Variants in DEPTOR observed in about 807,000 individuals in gnomAD.
The protein encoded by DEPTOR is DEP domain containing MTOR interacting protein.
In DEPTOR, 41 loss-of-function variants were observed where a neutral mutation model predicts 41.6. That is an observed-to-expected ratio of 0.98 (90% confidence interval 0.77 to 1.28). The LOEUF (loss-of-function observed/expected upper bound fraction) is 1.28. Ranked by LOEUF, DEPTOR falls within the 50% of genes most tolerant of loss-of-function variation. The probability of loss-of-function intolerance (pLI) is 0.00; values close to 1 mark genes in which losing one functional copy is unlikely to be tolerated. For synonymous variants in DEPTOR, 195 were observed against 192.3 expected (o/e 1.01, Z -0.12); for missense variants, 514 against 527.9 (o/e 0.97, Z 0.26).
intron 1 of DEPTOR, chr8:119,874,170 G>T: frequency 1.3e-6 from 1 of 798,236 alleles, no homozygotes; most frequent in Non-Finnish European, 1.9e-6. Flanking sequence ...CGCCAAGCGG[G>T]GCTGCCTGGC....
chr8:119,969,247 AT>A (rs1828602357), intron 4 of DEPTOR, among the ~76,000 whole-genome samples: 1 of 152,194 alleles, frequency 6.6e-6, no homozygotes, highest in East Asian at 1.9e-4. Flanking sequence ...ATAAGTAATT[AT>A]GCTTCAATTA....
chr8:119,952,212 T>C (rs1037413831), intron 3 of DEPTOR, among the ~76,000 whole-genome samples: 4 of 152,150 alleles, frequency 2.6e-5, no homozygotes, highest in Admixed American at 6.6e-5. Context: ...GCAAGACCTG[T>C]ATGGATTGCT....
chr8:120,001,693 C>T lies in DEPTOR; in HGVS notation c.773C>T (p.Ser258Phe). Residue 258 changes from serine (S) to phenylalanine (F), a missense_variant, in exon 5 of 9, where the codon TCT becomes TTT. Physicochemically the swap from Ser to Phe is radical, Grantham distance 155. Coordinates refer to ENST00000286234, the MANE Select transcript of DEPTOR (RefSeq NM_022783.4). ...LRKQSHDNRK[S>F]TSFMSVSPSK... ...AAGCAGAGCCATGACAATCGGAAAT[C>T]TACCAGCTTTATGTCAGGTATGCCA... The T allele has an allele frequency of 1.2e-6, 2 of 1,613,004 alleles. No individual in the cohort carries two copies. Among genetic ancestry groups the T allele is most frequent in the Non-Finnish European group, 1.7e-6 (2 of 1,179,484 alleles).
intron 1 of DEPTOR, among the ~76,000 whole-genome samples, chr8:119,878,050 C>T (rs529396674): frequency 3.3e-4 from 50 of 152,244 alleles, no homozygotes; most frequent in African/African-American, 1.2e-3. Context: ...CCTGCCTCAA[C>T]GTCCCAAGTA....
At chr8:120,010,609 C>T (rs1193431716) in intron 8 of DEPTOR, among the ~76,000 whole-genome samples, 3 of 92,392 alleles carry the variant, frequency 3.2e-5, no homozygotes, top group African/African-American at 4.5e-5. Context: ...GAGTGCAAGA[C>T]TCTGTCTCAA....
intron 2 of DEPTOR, among the ~76,000 whole-genome samples, chr8:119,929,604 A>T (rs1011731313): frequency 1.3e-5 from 2 of 152,144 alleles, no homozygotes; most frequent in African/African-American, 4.8e-5. Flanking sequence ...GGTGATGGTG[A>T]TGGTGATAAT....
chr8:119,883,072 A>G (rs1827319266), intron 1 of DEPTOR, among the ~76,000 whole-genome samples: 1 of 152,058 alleles, frequency 6.6e-6, no homozygotes, highest in Admixed American at 6.6e-5. Flanking sequence ...AACTTGAGCT[A>G]TTTTCATCAG....
intron 8 of DEPTOR, among the ~76,000 whole-genome samples, chr8:120,030,641 G>C (rs1230061574): frequency 6.6e-6 from 1 of 150,876 alleles, no homozygotes. Context: ...CCAGTAGCTA[G>C]GATTAGAGGA....
intron 1 of DEPTOR, among the ~76,000 whole-genome samples, chr8:119,886,464 C>CACACACATACACAT (rs1554670620): frequency 6.7e-6 from 1 of 150,122 alleles, no homozygotes; most frequent in African/African-American, 2.5e-5. Flanking sequence ...CAGACACACA[C>CACACACATACACAT]ACACATACAC....
chr8:119,987,785 G>A (rs1257988280), intron 4 of DEPTOR, among the ~76,000 whole-genome samples: 14 of 152,202 alleles, frequency 9.2e-5, no homozygotes, highest in Admixed American at 9.2e-4. Flanking sequence ...GCTCTGCCCA[G>A]TTCAAACTTG....
intron 4 of DEPTOR, among the ~76,000 whole-genome samples, chr8:119,990,638 T>C (rs1461796382): frequency 6.6e-6 from 1 of 152,236 alleles, no homozygotes; most frequent in East Asian, 1.9e-4. Flanking sequence ...TTCTTTTCCA[T>C]CCTCTTGCCT....
chr8:119,939,881 G>GC (rs111537003), intron 3 of DEPTOR, among the ~76,000 whole-genome samples: 2,378 of 152,198 alleles, frequency 0.016, 65 homozygotes, highest in African/African-American at 0.055. Flanking sequence ...AGATGGTGCA[G>GC]CAGTTATGAC....
intron 8 of DEPTOR, among the ~76,000 whole-genome samples, chr8:120,010,264 G>T (rs2130107260): frequency 6.7e-6 from 1 of 148,502 alleles, no homozygotes; most frequent in East Asian, 1.9e-4. Flanking sequence ...ATTCATTAAT[G>T]AATGAATTAT....
chr8:120,001,559 T>C lies in DEPTOR; in HGVS notation c.639T>C (p.Leu213=). ...AGCACCCATTTGTGGACAGCAATCT[T>C]CTCTACCAGTTCAGAATGAACTTCC... ...SNKHPFVDSN[L]LYQFRMNFRR... is the part of the protein sequence containing the mutation. The change falls in exon 5 of 9, where the codon CTT becomes CTC. Residue 213 remains leucine (L), a synonymous_variant. Transcript: ENST00000286234. 1 of 1,613,566 alleles carries C rather than the reference T, an allele frequency of 6.2e-7. No homozygotes were observed. Among genetic ancestry groups the C allele is most frequent in the South Asian group, 1.1e-5 (1 of 90,964 alleles).
intron 2 of DEPTOR, among the ~76,000 whole-genome samples, chr8:119,928,850 C>T (rs542729015): frequency 2.6e-5 from 4 of 151,890 alleles, no homozygotes; most frequent in Middle Eastern, 3.4e-3. Flanking sequence ...CTCAGCCCCC[C>T]AAAGTGCTGG....
intron 8 of DEPTOR, among the ~76,000 whole-genome samples, chr8:120,042,071 G>T (rs1813081702): frequency 6.8e-6 from 1 of 146,874 alleles, no homozygotes; most frequent in Admixed American, 6.8e-5. Flanking sequence ...TTTGGAAACA[G>T]ATCCGATAAA....
chr8:120,008,193 C>G (rs980065898), intron 7 of DEPTOR, among the ~76,000 whole-genome samples: 4 of 151,956 alleles, frequency 2.6e-5, no homozygotes, highest in Non-Finnish European at 4.4e-5. Context: ...CTTTTCCCCC[C>G]TTGGTGGAGA....
intron 8 of DEPTOR, among the ~76,000 whole-genome samples, chr8:120,031,953 A>G (rs1812898307): frequency 6.6e-6 from 1 of 152,054 alleles, no homozygotes; most frequent in Admixed American, 6.6e-5. Context: ...TGGTGAGCTG[A>G]GGCTTCTCCC....
intron 1 of DEPTOR, among the ~76,000 whole-genome samples, chr8:119,895,656 C>T (rs1827511140): frequency 6.6e-6 from 1 of 152,170 alleles, no homozygotes; most frequent in Non-Finnish European, 1.5e-5. Flanking sequence ...GGCCAGGCTA[C>T]TAGTCCCAGC....
Sources: gnomAD v4.1 joint callset for allele counts (sites outside exome capture counted in the v4.1 genomes callset) on GRCh38, gnomAD v4.1.1 for gene constraint, MANE v1.5 for transcripts, NCBI Gene and HGNC (gene_info 2026-07-23, HGNC 2026-07-21) for gene names.